TBC1D8B: variants seen among roughly 807,000 people sequenced by gnomAD.
TBC1D8B encodes RP11-321G1.1.
Under a neutral mutation model 82.9 loss-of-function variants are expected in TBC1D8B, and 75 were observed. The ratio of observed to expected loss-of-function variants is 0.90; its 90% CI spans 0.75 to 1.10. TBC1D8B has a LOEUF of 1.10. TBC1D8B is among the 50% of genes least tolerant of loss of function. The probability of loss-of-function intolerance (pLI) is 0.00; values close to 1 mark genes in which losing one functional copy is unlikely to be tolerated. For missense variants in TBC1D8B, 794 were observed against 796.9 expected (o/e 1.00, Z 0.04); for synonymous variants, 276 against 276.8 (o/e 1.00, Z 0.03).
At position 106,851,496 on chromosome X, in the gene TBC1D8B, T is replaced by A. The variant is rs747587494; in HGVS notation, c.2123+1186T>A. Among the ~76,000 whole-genome samples the A allele has an allele frequency of 1.2e-4, 13 of 111,750 alleles. No homozygotes were observed. In the East Asian group the frequency reaches 3.7e-3, roughly 31 times the overall value. On this transcript the variant is annotated intron_variant, in intron 12 of 20. Transcript: ENST00000357242. ...TTGTTACATATGTATACATGTGCCA[T>A]GTTGGTGTGCTGCACCCATTAACTC...
At chrX:106,844,508 A>C (rs758133373) in intron 10 of TBC1D8B, among the ~76,000 whole-genome samples, 40 of 100,686 alleles carry the variant, frequency 4.0e-4, no homozygotes, top group African/African-American at 1.5e-3. Flanking sequence ...TATATATATA[A>C]ACATATATAT....
chrX:106,852,501 C>A (rs1347822677), intron 12 of TBC1D8B, among the ~76,000 whole-genome samples: 2 of 111,701 alleles, frequency 1.8e-5, no homozygotes, highest in African/African-American at 3.3e-5. Context: ...ATGCCTATGT[C>A]CTGAATGGTA....
In TBC1D8B at chrX:106,873,676, G is replaced by A; in HGVS notation, c.3074G>A (p.Arg1025Lys). ...GCTGTTGTAACCAGCCTTTTACTCA[G>A]GATGGAAGAAGTTGGAAGGAAACTA... ...AIAVVTSLLL[R>K]MEEVGRKLHS... is the part of the protein sequence containing the mutation. The change falls in exon 21 of 21, where the codon AGG becomes AAG. Residue 1025 changes from arginine (R) to lysine (K), a missense_variant. Physicochemically the swap from Arg to Lys is conservative, Grantham distance 26. Transcript: ENST00000357242. 8.3e-7 allele frequency: 1 copy of A among 1,211,576 alleles called. No homozygotes were observed. The highest frequency in any genetic ancestry group is 3.0e-5 in the East Asian group (1 of 33,826).
At position 106,823,258 on chromosome X, in the gene TBC1D8B, A is replaced by C. The variant is rs1931745697; in HGVS notation, c.619A>C (p.Lys207Gln). The C allele has an allele frequency of 8.3e-7, 1 of 1,206,911 alleles. No individual in the cohort carries two copies. The highest frequency in any genetic ancestry group is 1.8e-5 in the African/African-American group (1 of 57,140). The change falls in exon 5 of 21, where the codon AAA becomes CAA. Residue 207 changes from lysine (K) to glutamine (Q), a missense_variant. Coordinates refer to ENST00000357242, the MANE Select transcript of TBC1D8B (RefSeq NM_017752.3). ...CATTATCTCCTGGGATGAAGTCTCA[A>C]AACTTGAAAAGACTTCAAATGTCAT... is the stretch of plus-strand genomic sequence containing the variant. ...KLIISWDEVS[K>Q]LEKTSNVILT...
chrX:106,827,269 C>G lies in TBC1D8B; in HGVS notation c.1135C>G (p.Gln379Glu), dbSNP rs762277701. The change falls in exon 7 of 21, where the codon CAA becomes GAA. Residue 379 changes from glutamine to glutamate, a missense_variant. Transcript: ENST00000357242. Reference sequence around the variant, plus strand: ...CTTCCATGAAGTTAAAGACTTTGAACAACTGGTAGCAAAACTCAGGCTCAG... The same window carrying G: ...CTTCCATGAAGTTAAAGACTTTGAAGAACTGGTAGCAAAACTCAGGCTCAG... ...FRFHEVKDFE[Q>E]LVAKLRLRCG... The G allele has an allele frequency of 8.3e-7, 1 of 1,210,895 alleles. No individual in the cohort carries two copies. Among genetic ancestry groups the G allele is most frequent in the East Asian group, 3.0e-5 (1 of 33,799 alleles).
intron 10 of TBC1D8B, among the ~76,000 whole-genome samples, chrX:106,844,606 C>T (rs1932393755): frequency 9.5e-6 from 1 of 105,551 alleles, no homozygotes; most frequent in African/African-American, 3.4e-5. Flanking sequence ...CCCACTTGGC[C>T]TTTTGGGATC....
intron 11 of TBC1D8B, chrX:106,849,691 A>C: frequency 1.1e-6 from 1 of 878,323 alleles, no homozygotes; most frequent in Non-Finnish European, 1.4e-6. Context: ...AAGAATTCTA[A>C]TTATTTGTGT....
rs769864728 is a variant in TBC1D8B at position 106,866,810 on chromosome X, T to C, written c.2676T>C (p.Asn892=). Residue 892 remains asparagine, a synonymous_variant, in exon 17 of 21, where the codon AAT becomes AAC. Transcript: ENST00000357242. ...TTTATTGAACAGACATAATGTACAATGGAAGTTTTACTGAGAAGCTTAAGC... is the reference window on the plus strand; with the variant it reads ...TTTATTGAACAGACATAATGTACAACGGAAGTTTTACTGAGAAGCTTAAGC... ...EFSSAIDIMY[N]GSFTEKLKLL... 7 of 1,180,305 alleles carry C rather than the reference T, an allele frequency of 5.9e-6. No homozygotes were observed. In the South Asian group the frequency reaches 7.7e-5, roughly 13 times the overall value.
intron 1 of TBC1D8B, among the ~76,000 whole-genome samples, chrX:106,806,750 T>G (rs779680835): frequency 9.8e-5 from 11 of 112,011 alleles, no homozygotes; most frequent in African/African-American, 2.6e-4. Flanking sequence ...TAAAACTTAT[T>G]AAAATGGAGA....
intron 17 of TBC1D8B, among the ~76,000 whole-genome samples, chrX:106,867,993 G>A (rs73531178): frequency 0.063 from 6,924 of 110,645 alleles, 548 homozygotes; most frequent in African/African-American, 0.22. Context: ...GCACAAGTAG[G>A]AAGTAAACCA....
At chrX:106,812,125 T>G (rs1931398692) in intron 1 of TBC1D8B, among the ~76,000 whole-genome samples, 1 of 111,789 alleles carries the variant, frequency 8.9e-6, no homozygotes, top group Non-Finnish European at 1.9e-5. Flanking sequence ...TTGGCAGCTT[T>G]CAAAATGCCA....
intron 7 of TBC1D8B, among the ~76,000 whole-genome samples, chrX:106,838,466 T>A (rs2147750138): frequency 8.9e-6 from 1 of 111,977 alleles, no homozygotes; most frequent in South Asian, 3.8e-4. Context: ...CAGCTTTAGC[T>A]TTTATTCCCT....
intron 10 of TBC1D8B, among the ~76,000 whole-genome samples, chrX:106,843,265 A>G (rs1932360022): frequency 1.8e-5 from 2 of 111,774 alleles, no homozygotes; most frequent in Admixed American, 9.5e-5. Context: ...GCGCACTGTC[A>G]AACTATTTTC....
chrX:106,870,606 T>A (rs1424432977), intron 19 of TBC1D8B, 110 bp from the exon 20 acceptor site: 1 of 461,486 alleles, frequency 2.2e-6, no homozygotes, highest in Non-Finnish European at 3.7e-6. Context: ...ATTAAAAAAA[T>A]GGGATCTTAT....
intron 11 of TBC1D8B, 24 bp downstream of exon 11, chrX:106,848,327 C>T (rs749235111): frequency 9.5e-6 from 9 of 952,196 alleles, no homozygotes; most frequent in Admixed American, 7.2e-5. Flanking sequence ...CACACACACA[C>T]ATATGCATAC....
intron 8 of TBC1D8B, among the ~76,000 whole-genome samples, chrX:106,839,804 A>G (rs1932260101): frequency 8.9e-6 from 1 of 112,177 alleles, no homozygotes; most frequent in Admixed American, 9.4e-5. Context: ...TAACACTTTT[A>G]CCATTTTTAT....
chrX:106,816,919 G>T (rs1225028332), intron 1 of TBC1D8B, among the ~76,000 whole-genome samples: 1 of 111,392 alleles, frequency 9.0e-6, no homozygotes, highest in Non-Finnish European at 1.9e-5. Context: ...AGGAAGTGAT[G>T]TGAGGCAAAT....
At chrX:106,851,279 A>G (rs1932580477) in intron 12 of TBC1D8B, among the ~76,000 whole-genome samples, 1 of 111,920 alleles carries the variant, frequency 8.9e-6, no homozygotes, top group South Asian at 3.8e-4. Context: ...AATCCCAGCT[A>G]CTTGGGAGGC....
chrX:106,841,369 G>GAAAAAAATGGT, intron 10 of TBC1D8B, among the ~76,000 whole-genome samples: 1 of 111,871 alleles, frequency 8.9e-6, no homozygotes, highest in Admixed American at 9.5e-5. Flanking sequence ...TTGGACATAT[G>GAAAAAAATGGT]GAAATGGAAT....
Sources: gnomAD v4.1 joint callset for allele counts (sites outside exome capture counted in the v4.1 genomes callset) on GRCh38, gnomAD v4.1.1 for gene constraint, MANE v1.5 for transcripts, NCBI Gene and HGNC (gene_info 2026-07-23, HGNC 2026-07-21) for gene names.